The following FSIP2 variants were observed in gnomAD, a reference collection of about 807,000 sequenced individuals.
The protein encoded by FSIP2 is fibrous sheath-interacting protein 2.
In FSIP2, 367 loss-of-function variants were observed where a neutral mutation model predicts 510.5. That is an observed-to-expected ratio of 0.72 (90% CI 0.66 to 0.78). The LOEUF is 0.78. Ranked by LOEUF, FSIP2 falls within the 30% of genes least tolerant of loss-of-function variation. The pLI is 0.00. For missense variants in FSIP2, 7,594 were observed against 7,901.7 expected (o/e 0.96, Z 1.48); for synonymous variants, 2,601 against 2,732.2 (o/e 0.95, Z 1.50).
intron 17 of FSIP2, among the ~76,000 whole-genome samples, chr2:185,813,313 GTTATA>G (rs1300483436): frequency 6.6e-6 from 1 of 151,852 alleles, no homozygotes; most frequent in Non-Finnish European, 1.5e-5. Flanking sequence ...TTTGGACTAA[GTTATA>G]TTAGATTAAG....
intron 13 of FSIP2, among the ~76,000 whole-genome samples, chr2:185,780,278 T>TTATC (rs1159351855): frequency 6.6e-6 from 1 of 151,962 alleles, no homozygotes; most frequent in Non-Finnish European, 1.5e-5. Context: ...ATTTTCGTTA[T>TTATC]TATCTTCTTC....
Position 185,832,549 on chromosome 2 carries a change from T to A in FSIP2, c.20588-541T>A, listed in dbSNP as rs910504248. Among the ~76,000 whole-genome samples, 8 of 151,852 alleles carry A rather than the reference T, an allele frequency of 5.3e-5. No individual in the cohort carries two copies. The East Asian group carries it at 1.6e-3, about 29-fold the overall frequency. ...CGCAACTTATTAAGTATCAGAAAAG[T>A]ATATAAATATTTCTTTATATATAAA... On this transcript the variant is annotated intron_variant, in intron 22 of 22. Transcript: ENST00000424728.
At position 185,797,735 on chromosome 2, in the gene FSIP2, C is replaced by A. The variant is rs187517882; in HGVS notation, c.10390+209C>A. 9.3e-5 allele frequency: 51 copies of A among 550,312 alleles called. No individual in the cohort carries two copies. In the East Asian group the frequency reaches 1.8e-3, roughly 20 times the overall value. The allele number at this position is 550,312 out of a possible 1,614,324, so 34.1% of individuals were successfully genotyped here. A position where few individuals can be genotyped will look rare whatever the true frequency, so the allele number is the denominator to read the frequency against. On this transcript the variant is annotated intron_variant, in intron 16 of 22. Transcript: ENST00000424728. ...AGAAATAGTGTCTCTGTCACTGAGG[C>A]TAGAGTACAGTGGCATGATCATTGC... is the stretch of plus-strand genomic sequence containing the variant.
At position 185,793,813 on chromosome 2, in the gene FSIP2, A is replaced by G. The variant is rs908230563; in HGVS notation, c.6677A>G (p.Asp2226Gly). 1.6e-5 allele frequency: 25 copies of G among 1,532,592 alleles called. No homozygotes were observed. Among genetic ancestry groups the G allele is most frequent in the Non-Finnish European group, 1.9e-5 (22 of 1,145,282 alleles). 94.9% of individuals were successfully genotyped at this position (1,532,592 alleles called of 1,614,324 possible). The change falls in exon 16 of 23, where the codon GAT (aspartate) becomes GGT (glycine). Residue 2226 changes from aspartate (D) to glycine (G), a missense_variant. Transcript: ENST00000424728. Reference sequence around the variant, plus strand: ...AGAAATCAGAAATCAGCTTATGCTGATGATAATCAGATAACTGTAGTAGAG... The same window carrying G: ...AGAAATCAGAAATCAGCTTATGCTGGTGATAATCAGATAACTGTAGTAGAG... ...YSRNQKSAYA[D>G]DNQITVVEKE... is the part of the protein sequence containing the mutation.
intron 15 of FSIP2, among the ~76,000 whole-genome samples, chr2:185,786,564 G>A (rs1194682673): frequency 6.6e-6 from 1 of 151,830 alleles, no homozygotes; most frequent in Non-Finnish European, 1.5e-5. Context: ...AACCATCATA[G>A]GAAGAGAATC....
chr2:185,818,499 C>A (rs1347985418), intron 19 of FSIP2, among the ~76,000 whole-genome samples: 1 of 151,738 alleles, frequency 6.6e-6, no homozygotes, highest in Non-Finnish European at 1.5e-5. Context: ...AGAATGAACA[C>A]AAAAATATCA....
chr2:185,748,237 C>A (rs1168193974), intron 7 of FSIP2, among the ~76,000 whole-genome samples: 1 of 151,864 alleles, frequency 6.6e-6, no homozygotes, highest in Non-Finnish European at 1.5e-5. Context: ...GCAGGCTCAG[C>A]TTATTCCAAT....
Position 185,801,848 on chromosome 2 carries a change from TAATA to T in FSIP2, c.12548_12551del (p.Asn4183ArgfsTer52). ...GATTTTAATGAAATGTCCACTTGTA[TAATA>T]AATAAGGTTATGTCAGCCATTTCAA... On this transcript the variant is annotated frameshift_variant, in exon 17 of 23. Transcript: ENST00000424728. LOFTEE classifies it high-confidence loss of function. 1.3e-6 allele frequency: 2 copies of T among 1,486,232 alleles called. No homozygotes were observed. Among genetic ancestry groups the T allele is most frequent in the Non-Finnish European group, 1.8e-6 (2 of 1,120,662 alleles). The allele number at this position is 1,486,232 out of a possible 1,614,324, so 92.1% of individuals were successfully genotyped here.
At chr2:185,761,900 A>C in intron 10 of FSIP2, 72 bp from the exon 11 acceptor site, 1 of 785,718 alleles carries the variant, frequency 1.3e-6, no homozygotes, top group Non-Finnish European at 2.0e-6. Flanking sequence ...TGGTTAATTG[A>C]TAGAAGGCAG....
chr2:185,793,616 G>C lies in FSIP2; in HGVS notation c.6480G>C (p.Val2160=). 4 of 1,534,118 alleles carry C rather than the reference G, an allele frequency of 2.6e-6. No homozygotes were observed. The highest frequency in any genetic ancestry group is 3.5e-6 in the Non-Finnish European group (4 of 1,145,428). Residue 2160 remains valine, a synonymous_variant, in exon 16 of 23, where the codon GTG becomes GTC. Coordinates refer to ENST00000424728, the MANE Select transcript of FSIP2 (RefSeq NM_173651.4). Reference sequence around the variant, plus strand: ...TCATTTTGATATCCAATGATATAGTGAATATTGTTCTTCATAATCTCAGTT... The same window carrying C: ...TCATTTTGATATCCAATGATATAGTCAATATTGTTCTTCATAATCTCAGTT... ...SDVILISNDI[V]NIVLHNLSSA...
Position 185,806,164 on chromosome 2 carries a change from T to C in FSIP2, c.16858T>C (p.Phe5620Leu). Residue 5620 changes from phenylalanine (F) to leucine (L), a missense_variant, in exon 17 of 23, where the codon TTT (phenylalanine) becomes CTT (leucine). Physicochemically the swap from Phe to Leu is conservative, Grantham distance 22. Coordinates refer to ENST00000424728, the MANE Select transcript of FSIP2 (RefSeq NM_173651.4). ...KKIDNARESS[F>L]KKDDKLFQLS... is the part of the protein sequence containing the mutation. Reference sequence around the variant, plus strand: ...GATTGACAATGCAAGGGAAAGCTCATTTAAAAAAGATGACAAGCTCTTTCA... The same window carrying C: ...GATTGACAATGCAAGGGAAAGCTCACTTAAAAAAGATGACAAGCTCTTTCA... 6.3e-7 allele frequency: 1 copy of C among 1,583,420 alleles called. No homozygotes were observed. The highest frequency in any genetic ancestry group is 8.5e-7 in the Non-Finnish European group (1 of 1,170,418).
chr2:185,773,146 T>G (rs142690989), intron 13 of FSIP2, among the ~76,000 whole-genome samples: 7 of 152,230 alleles, frequency 4.6e-5, no homozygotes, highest in African/African-American at 1.7e-4. Context: ...ACAAGCATGA[T>G]CCAACACGCC....
Position 185,813,926 on chromosome 2 carries a change from G to T in FSIP2, c.20209G>T (p.Val6737Leu), listed in dbSNP as rs768859298. Reference sequence around the variant, plus strand: ...AAGTACTGAAGCAATCTCAAATCAGGTAATAGAATCCAAGGAGACACATGT... The same window carrying T: ...AAGTACTGAAGCAATCTCAAATCAGTTAATAGAATCCAAGGAGACACATGT... ...IESTEAISNQ[V>L]IESKETHVKR... is the part of the protein sequence containing the mutation. Residue 6737 changes from valine (V) to leucine (L), a missense_variant, in exon 18 of 23, where the codon GTA becomes TTA. Val to Leu is a conservative substitution (Grantham distance 32). Coordinates refer to ENST00000424728, the MANE Select transcript of FSIP2 (RefSeq NM_173651.4). 68 of 1,613,500 alleles carry T rather than the reference G, an allele frequency of 4.2e-5. No homozygotes were observed. The South Asian group carries it at 7.2e-4, about 17-fold the overall frequency.
At position 185,738,855 on chromosome 2, in the gene FSIP2, C is replaced by A. The variant is rs537774134; in HGVS notation, c.-40C>A. On this transcript the variant is annotated 5_prime_UTR_variant, in exon 1 of 23. Coordinates refer to ENST00000424728, the MANE Select transcript of FSIP2 (RefSeq NM_173651.4). ...ACAACGGGGTGCTAGAGAAGGAGAG[C>A]GGGGCGGGTGAGGAAGGGGCTGAGG... is the stretch of plus-strand genomic sequence containing the variant. 4.6e-4 allele frequency: 700 copies of A among 1,530,796 alleles called. 5 individuals carry two copies. The African/African-American group carries it at 8.9e-3, about 19-fold the overall frequency. 94.8% of individuals were successfully genotyped at this position (1,530,796 alleles called of 1,614,324 possible). A position where few individuals can be genotyped will look rare whatever the true frequency, so the allele number is the denominator to read the frequency against.
At chr2:185,767,891 C>T (rs1441868138) in intron 13 of FSIP2, among the ~76,000 whole-genome samples, 1 of 152,016 alleles carries the variant, frequency 6.6e-6, no homozygotes, top group Non-Finnish European at 1.5e-5. Flanking sequence ...TGGATATGTA[C>T]CCAGAAGTTG....
At position 185,789,365 on chromosome 2, in the gene FSIP2, A is replaced by T; in HGVS notation, c.2229A>T (p.Glu743Asp). The stretch of plus-strand genomic sequence containing the variant: ...TTGAACAATGTGAACGTGAAAAAGA[A>T]ATCTTGCTTTCCAATGCTCATATTC... Reference protein sequence around the residue: ...VFVEQCEREKEILLSNAHIPS... With the variant: ...VFVEQCEREKDILLSNAHIPS... Residue 743 changes from glutamate to aspartate, a missense_variant, in exon 16 of 23, where the codon GAA becomes GAT. Glu to Asp is a conservative substitution (Grantham distance 45). Coordinates refer to ENST00000424728, the MANE Select transcript of FSIP2 (RefSeq NM_173651.4). 1 of 1,535,008 alleles carries T rather than the reference A, an allele frequency of 6.5e-7. No homozygotes were observed. Among genetic ancestry groups the T allele is most frequent in the Non-Finnish European group, 8.7e-7 (1 of 1,145,962 alleles).
At chr2:185,767,793 T>G (rs545739020) in intron 13 of FSIP2, among the ~76,000 whole-genome samples, 77 of 152,306 alleles carry the variant, frequency 5.1e-4, no homozygotes, top group African/African-American at 1.8e-3. Context: ...ATATTAGCTA[T>G]TGTGAATAAT....
chr2:185,762,286 A>T (rs1372158970), intron 11 of FSIP2, among the ~76,000 whole-genome samples: 1 of 151,262 alleles, frequency 6.6e-6, no homozygotes, highest in East Asian at 1.9e-4. Context: ...AGACGCTGGC[A>T]TAGTGGCTTC....
chr2:185,832,333 GC>G (rs1403683162), intron 22 of FSIP2, among the ~76,000 whole-genome samples: 1 of 151,854 alleles, frequency 6.6e-6, no homozygotes, highest in African/African-American at 2.4e-5. Flanking sequence ...GGGGTGTGTG[GC>G]TTATGGGAGA....
Sources: allele counts gnomAD v4.1 joint callset (sites outside exome capture counted in the v4.1 genomes callset), GRCh38; gene constraint gnomAD v4.1.1; transcripts MANE v1.5; gene names NCBI Gene and HGNC (gene_info 2026-07-23, HGNC 2026-07-21).